Variants in VTA1 observed in about 807,000 individuals in gnomAD.
The protein encoded by VTA1 is vesicle trafficking 1.
In VTA1, 24 loss-of-function variants were observed where a neutral mutation model predicts 36.9. That is an observed-to-expected ratio of 0.65 (90% confidence interval 0.47 to 0.91). The LOEUF (loss-of-function observed/expected upper bound fraction) is 0.91, where lower values mean the gene tolerates loss of function less well. Ranked by LOEUF, VTA1 falls within the 40% of genes least tolerant of loss-of-function variation. The probability of loss-of-function intolerance (pLI) is 0.00; values close to 1 mark genes in which losing one functional copy is unlikely to be tolerated. For synonymous variants in VTA1, 142 were observed against 130.2 expected (o/e 1.09, Z -0.62); for missense variants, 393 against 377.2 (o/e 1.04, Z -0.35).
At chr6:142,158,567 T>A (rs1778709763) in intron 1 of VTA1, among the ~76,000 whole-genome samples, 1 of 152,260 alleles carries the variant, frequency 6.6e-6, no homozygotes, top group Admixed American at 6.5e-5. Flanking sequence ...TTGCTGGATC[T>A]TATGTTTTTA....
At chr6:142,163,977 T>C (rs1774862803) in intron 1 of VTA1, among the ~76,000 whole-genome samples, 1 of 152,176 alleles carries the variant, frequency 6.6e-6, no homozygotes, top group Non-Finnish European at 1.5e-5. Flanking sequence ...TTCCATACTC[T>C]AGCCAATTGT....
At chr6:142,191,771 G>A (rs1775460665) in intron 5 of VTA1, among the ~76,000 whole-genome samples, 1 of 152,018 alleles carries the variant, frequency 6.6e-6, no homozygotes, top group South Asian at 2.1e-4. Flanking sequence ...CTCAAAGATA[G>A]CCTATATATC....
At chr6:142,203,959 C>A in intron 6 of VTA1, 26 bp from the exon 7 acceptor site, 1 of 1,595,730 alleles carries the variant, frequency 6.3e-7, no homozygotes, top group Non-Finnish European at 8.6e-7. Flanking sequence ...TACTTCTATG[C>A]CCATTTTTGC....
intron 1 of VTA1, among the ~76,000 whole-genome samples, chr6:142,156,197 C>A (rs930101511): frequency 5.9e-5 from 9 of 152,070 alleles, no homozygotes; most frequent in African/African-American, 1.9e-4. Context: ...AGTGATAGAA[C>A]CAAGACTCGA....
chr6:142,170,553 G>A, intron 4 of VTA1, 132 bp downstream of exon 4: 1 of 575,236 alleles, frequency 1.7e-6, no homozygotes, highest in Non-Finnish European at 2.8e-6. Flanking sequence ...ATGTAATTTT[G>A]CATTTTTTAT....
chr6:142,185,232 C>T (rs1775318354), intron 4 of VTA1, among the ~76,000 whole-genome samples: 1 of 151,994 alleles, frequency 6.6e-6, no homozygotes, highest in Non-Finnish European at 1.5e-5. Flanking sequence ...AGTAACAGTT[C>T]TTTGTATTTT....
intron 5 of VTA1, among the ~76,000 whole-genome samples, chr6:142,189,755 C>A (rs535020094): frequency 6.6e-6 from 1 of 151,776 alleles, no homozygotes. Context: ...TTATCTGTCT[C>A]CTGCTTTTTT....
At position 142,173,624 on chromosome 6, in the gene VTA1, A is replaced by G. The variant is rs528510162; in HGVS notation, c.411+3203A>G. 3.9e-5 allele frequency among the ~76,000 whole-genome samples: 6 copies of G among 152,370 alleles called. No individual in the cohort carries two copies. The South Asian group carries it at 1.2e-3, about 32-fold the overall frequency. On this transcript the variant is annotated intron_variant, in intron 4 of 7. Transcript: ENST00000367630. ...ACAATGGTGAATCCAGCCAACAGGT[A>G]AAGTAATAGTCATAGGAAAAAGAAC...
In VTA1 at chr6:142,151,601, C is replaced by T. The variant is rs111349623; in HGVS notation, c.112+4202C>T. On this transcript the variant is annotated intron_variant, in intron 1 of 7. Coordinates refer to ENST00000367630, the MANE Select transcript of VTA1 (RefSeq NM_016485.5). ...ATATTGTATTTCTCTGAAAAAGTAA[C>T]TCTTACTTGGCTGATTAGTTTGGTG... 9.4e-3 allele frequency among the ~76,000 whole-genome samples: 1,427 copies of T among 152,278 alleles called. 40 individuals carry two copies. The highest frequency in any genetic ancestry group is 0.07 in the South Asian group (338 of 4,826).
chr6:142,166,275 C>T lies in VTA1; in HGVS notation c.160C>T (p.Pro54Ser), dbSNP rs750350264. ...QTGMKIDSKTPECRKFLSKLM... is the reference protein window; with the variant it reads ...QTGMKIDSKTSECRKFLSKLM... ...TGGAATGAAGATCGATAGTAAAACT[C>T]CTGAATGTCGCAAATTTTTATCAAA... The change falls in exon 2 of 8, where the codon CCT becomes TCT. Residue 54 changes from proline (P) to serine (S), a missense_variant. Pro to Ser is a moderately conservative substitution (Grantham distance 74). Transcript: ENST00000367630. 2 of 1,612,214 alleles carry T rather than the reference C, an allele frequency of 1.2e-6. No homozygotes were observed. The highest frequency in any genetic ancestry group is 2.2e-5 in the East Asian group (1 of 44,768).
chr6:142,209,129 T>A (rs982831866), intron 7 of VTA1, among the ~76,000 whole-genome samples: 7 of 152,076 alleles, frequency 4.6e-5, no homozygotes, highest in African/African-American at 1.7e-4. Context: ...TAAAGACATC[T>A]TATGCCTATA....
rs551098180 is a variant in VTA1, at chr6:142,176,928, T to C, written c.411+6507T>C. Among the ~76,000 whole-genome samples, 8 of 152,304 alleles carry C rather than the reference T, an allele frequency of 5.3e-5. No individual in the cohort carries two copies. The South Asian group carries it at 1.7e-3, about 32-fold the overall frequency. On this transcript the variant is annotated intron_variant, in intron 4 of 7. Coordinates refer to ENST00000367630, the MANE Select transcript of VTA1 (RefSeq NM_016485.5). ...TGAGGCAATAAGGCACATGAATAGCTGGCTGTGAGAAGGTGGTCTGTTTAA... is the reference window on the plus strand; with the variant it reads ...TGAGGCAATAAGGCACATGAATAGCCGGCTGTGAGAAGGTGGTCTGTTTAA...
chr6:142,181,634 A>G (rs989667680), intron 4 of VTA1, among the ~76,000 whole-genome samples: 1 of 151,708 alleles, frequency 6.6e-6, no homozygotes, highest in African/African-American at 2.4e-5. Context: ...AATAATTAAC[A>G]TTGGTTTCTT....
chr6:142,209,572 CTA>C (rs1189066944), intron 7 of VTA1, among the ~76,000 whole-genome samples: 1 of 145,712 alleles, frequency 6.9e-6, no homozygotes, highest in African/African-American at 2.5e-5. Context: ...CTAAGAAAAA[CTA>C]TATAAAATTC....
intron 4 of VTA1, among the ~76,000 whole-genome samples, chr6:142,181,110 TATATATAC>T (rs1189081844): frequency 5.1e-5 from 6 of 117,200 alleles, no homozygotes; most frequent in African/African-American, 1.8e-4. Flanking sequence ...TATATATATA[TATATATAC>T]ACACACACAC....
At chr6:142,169,476 T>C in intron 2 of VTA1, 74 bp from the exon 3 acceptor site, 1 of 1,420,662 alleles carries the variant, frequency 7.0e-7, no homozygotes, top group Non-Finnish European at 9.6e-7. Flanking sequence ...AAAATGATTA[T>C]TAGAATTGTT....
intron 1 of VTA1, 151 bp from the exon 2 acceptor site, chr6:142,166,077 G>A: frequency 4.1e-6 from 2 of 486,376 alleles, no homozygotes; most frequent in Non-Finnish European, 6.9e-6. Context: ...ATATTTTTGT[G>A]CTTTTTAGGT....
chr6:142,219,811 AGCAAGC>A lies in VTA1; in HGVS notation c.*1169_*1174del. 6.6e-6 allele frequency: 1 copy of A among 152,346 alleles called. No individual in the cohort carries two copies. Among genetic ancestry groups the A allele is most frequent in the East Asian group, 1.9e-4 (1 of 5,184 alleles). The allele number at this position is 152,346 out of a possible 1,614,324, so 9.4% of individuals were successfully genotyped here. Reference sequence around the variant, plus strand: ...ATGGGAATCTTTAAACACAAGGGTCAGCAAGCTTTGGCCCATGGATTGGCCACCTGT... The same window carrying A: ...ATGGGAATCTTTAAACACAAGGGTCATTTGGCCCATGGATTGGCCACCTGT... On this transcript the variant is annotated 3_prime_UTR_variant, in exon 8 of 8. Coordinates refer to ENST00000367630, the MANE Select transcript of VTA1 (RefSeq NM_016485.5).
intron 6 of VTA1, among the ~76,000 whole-genome samples, chr6:142,200,656 A>G (rs1474936390): frequency 3.9e-5 from 6 of 152,012 alleles, no homozygotes; most frequent in Non-Finnish European, 5.9e-5. Context: ...TACACAGTGT[A>G]TCCTGGCTAG....
Sources: allele counts gnomAD v4.1 joint callset (sites outside exome capture counted in the v4.1 genomes callset), GRCh38; gene constraint gnomAD v4.1.1; transcripts MANE v1.5; gene names NCBI Gene and HGNC (gene_info 2026-07-23, HGNC 2026-07-21).